IFIH1: variants seen among roughly 807,000 people sequenced by gnomAD.
IFIH1 encodes interferon-induced helicase C domain-containing protein 1.
Under a neutral mutation model 107.4 loss-of-function variants are expected in IFIH1, and 125 were observed. That is an observed-to-expected ratio of 1.16 (90% confidence interval 1.01 to 1.35). The LOEUF (loss-of-function observed/expected upper bound fraction) is 1.35, where lower values mean the gene tolerates loss of function less well. IFIH1 is among the 40% of genes most tolerant of loss of function. The pLI, the probability that IFIH1 is intolerant of heterozygous loss-of-function variation, is 0.00. For synonymous variants in IFIH1, 458 were observed against 413.2 expected (o/e 1.11, Z -1.31); for missense variants, 1,333 against 1,213.7 (o/e 1.10, Z -1.46).
intron 5 of IFIH1, among the ~76,000 whole-genome samples, chr2:162,287,710 A>G (rs1682921126): frequency 1.3e-5 from 2 of 151,960 alleles, no homozygotes; most frequent in South Asian, 4.1e-4. Context: ...GTCAACAGCT[A>G]AAGAGAAAGT....
rs757655862 is a variant in IFIH1 at position 162,288,337 on chromosome 2, G to C, written c.893C>G (p.Ala298Gly). The C allele has an allele frequency of 6.2e-7, 1 of 1,612,306 alleles. No homozygotes were observed. Among genetic ancestry groups the C allele is most frequent in the Non-Finnish European group, 8.5e-7 (1 of 1,178,918 alleles). The change falls in exon 5 of 16, where the codon GCA becomes GGA. Residue 298 changes from alanine to glycine, a missense_variant. Ala to Gly is a moderately conservative substitution (Grantham distance 60). Coordinates refer to ENST00000649979, the MANE Select transcript of IFIH1 (RefSeq NM_022168.4). ...GAGTTCTGGCTCCGGGGATGCTCTT[G>C]CTGCCACATTCTCTTCATCTGAAGA... ...GSDSDEENVA[A>G]RASPEPELQL...
chr2:162,301,039 G>C (rs1683185686), intron 3 of IFIH1, among the ~76,000 whole-genome samples: 1 of 152,188 alleles, frequency 6.6e-6, no homozygotes, highest in South Asian at 2.1e-4. Flanking sequence ...GTTTTGTAAA[G>C]GTCAATTTTT....
chr2:162,277,021 AT>A, intron 10 of IFIH1, 75 bp from the exon 11 acceptor site: 1 of 1,016,418 alleles, frequency 9.8e-7, no homozygotes, highest in Non-Finnish European at 1.4e-6. Flanking sequence ...TATATCAAAC[AT>A]TTTGTACACC....
chr2:162,307,445 C>A (rs1683305376), intron 2 of IFIH1, among the ~76,000 whole-genome samples: 1 of 152,168 alleles, frequency 6.6e-6, no homozygotes, highest in Non-Finnish European at 1.5e-5. Flanking sequence ...AGCCTATATT[C>A]ATGTATTCTG....
intron 3 of IFIH1, among the ~76,000 whole-genome samples, chr2:162,294,229 G>T (rs1683047087): frequency 6.6e-6 from 1 of 151,880 alleles, no homozygotes; most frequent in East Asian, 1.9e-4. Flanking sequence ...CTCATGTGAG[G>T]TTGGAAATAA....
chr2:162,313,627 C>T (rs974046425), intron 1 of IFIH1, among the ~76,000 whole-genome samples: 2 of 152,074 alleles, frequency 1.3e-5, no homozygotes, highest in East Asian at 1.9e-4. Flanking sequence ...TTTATAATAA[C>T]CTTAGATAGC....
At chr2:162,307,116 T>G in intron 2 of IFIH1, 1 of 314,474 alleles carries the variant, frequency 3.2e-6, no homozygotes, top group Non-Finnish European at 5.9e-6. Context: ...TATTTTAATA[T>G]GTTGACATTT....
At chr2:162,285,832 TAAA>T (rs937677965) in intron 5 of IFIH1, among the ~76,000 whole-genome samples, 1 of 151,940 alleles carries the variant, frequency 6.6e-6, no homozygotes, top group Non-Finnish European at 1.5e-5. Context: ...GATCAATAGT[TAAA>T]GAAATAAACC....
chr2:162,267,621 T>C (rs1269462719), intron 14 of IFIH1, 52 bp from the exon 15 acceptor site: 6 of 1,307,458 alleles, frequency 4.6e-6, no homozygotes, highest in African/African-American at 2.8e-5. Flanking sequence ...AAAATACCAG[T>C]GTGTAGTTCA....
intron 4 of IFIH1, among the ~76,000 whole-genome samples, chr2:162,289,373 A>G (rs1682955769): frequency 6.6e-6 from 1 of 151,708 alleles, no homozygotes; most frequent in Admixed American, 6.6e-5. Flanking sequence ...ATTGACCTAT[A>G]TTACCAGGGG....
chr2:162,277,498 C>T lies in IFIH1; in HGVS notation c.1961G>A (p.Cys654Tyr), dbSNP rs764675454. 5.0e-6 allele frequency: 8 copies of T among 1,585,860 alleles called. No individual in the cohort carries two copies. In the African/African-American group the frequency reaches 6.7e-5, roughly 13 times the overall value. Residue 654 changes from cysteine (C) to tyrosine (Y), a missense_variant, in exon 10 of 16, where the codon TGT (cysteine) becomes TAT (tyrosine). By Grantham distance (194) the Cys-to-Tyr change is radical (BLOSUM62 -2). Transcript: ENST00000649979. Reference protein sequence around the residue: ...DSDEGGDDEYCDGDEDEDDLK... With the variant: ...DSDEGGDDEYYDGDEDEDDLK... The stretch of plus-strand genomic sequence containing the variant: ...ATCATCCTCATCTTCATCACCATCA[C>T]AATACTCATCATCACCACCCTCATC...
At chr2:162,290,440 C>G (rs1051458507) in intron 4 of IFIH1, among the ~76,000 whole-genome samples, 2 of 151,776 alleles carry the variant, frequency 1.3e-5, no homozygotes, top group Non-Finnish European at 2.9e-5. Context: ...TAAGCTGATA[C>G]ATTTAAGAAG....
chr2:162,273,380 G>T (rs1201398582), intron 12 of IFIH1, among the ~76,000 whole-genome samples: 3 of 152,136 alleles, frequency 2.0e-5, no homozygotes, highest in Non-Finnish European at 4.4e-5. Flanking sequence ...GGAAGAAAAT[G>T]CAGAAACAGC....
intron 1 of IFIH1, among the ~76,000 whole-genome samples, chr2:162,312,306 G>A (rs1482569361): frequency 5.9e-5 from 9 of 152,092 alleles, no homozygotes; most frequent in Admixed American, 3.3e-4. Flanking sequence ...GGATATTTCC[G>A]TCTTAGCATC....
At chr2:162,268,975 C>G (rs1311015316) in intron 13 of IFIH1, among the ~76,000 whole-genome samples, 1 of 142,938 alleles carries the variant, frequency 7.0e-6, no homozygotes, top group East Asian at 2.0e-4. Flanking sequence ...TATTACATTA[C>G]CAAGTCTTCT....
intron 3 of IFIH1, among the ~76,000 whole-genome samples, chr2:162,296,853 G>A (rs113682663): frequency 3.4e-4 from 52 of 152,008 alleles, no homozygotes; most frequent in East Asian, 2.9e-3. Context: ...CTCTGTTCTC[G>A]TTACATAAAA....
At chr2:162,278,568 A>C (rs532096977) in intron 8 of IFIH1, among the ~76,000 whole-genome samples, 2 of 152,264 alleles carry the variant, frequency 1.3e-5, no homozygotes, top group African/African-American at 4.8e-5. Flanking sequence ...CCAACTTAAA[A>C]GGTTAACAAA....
intron 11 of IFIH1, among the ~76,000 whole-genome samples, chr2:162,275,329 T>C (rs928571129): frequency 6.6e-6 from 1 of 152,120 alleles, no homozygotes; most frequent in South Asian, 2.1e-4. Context: ...CCTCTTACAA[T>C]AAAAGTCACA....
At chr2:162,312,962 T>G (rs1264851104) in intron 1 of IFIH1, among the ~76,000 whole-genome samples, 1 of 152,194 alleles carries the variant, frequency 6.6e-6, no homozygotes, top group Non-Finnish European at 1.5e-5. Context: ...ATCCACAAAA[T>G]TTTCTTCAAC....
Sources: allele counts gnomAD v4.1 joint callset (sites outside exome capture counted in the v4.1 genomes callset), GRCh38; gene constraint gnomAD v4.1.1; transcripts MANE v1.5; gene names NCBI Gene and HGNC (gene_info 2026-07-23, HGNC 2026-07-21).